Variants in FGD5 observed in about 807,000 individuals in gnomAD.
FGD5 encodes the protein FYVE, RhoGEF and PH domain containing 5.
In FGD5, 28 loss-of-function variants were observed where a neutral mutation model predicts 133.4. The observed-to-expected ratio is 0.21, with a 90% CI of 0.16 to 0.29. FGD5 has a LOEUF of 0.29. FGD5 is among the 10% of genes least tolerant of loss of function. FGD5 has a pLI of 1.00. For synonymous variants in FGD5, 810 were observed against 776.5 expected (o/e 1.04, Z -0.72); for missense variants, 1,858 against 1,895.2 (o/e 0.98, Z 0.36).
chr3:14,811,640 C>T (rs1382199445), intron 1 of FGD5, among the ~76,000 whole-genome samples: 5 of 152,068 alleles, frequency 3.3e-5, no homozygotes, highest in African/African-American at 1.2e-4. Flanking sequence ...TTCAGAGATT[C>T]CGTGAAATCA....
upstream of FGD5, among the ~76,000 whole-genome samples, chr3:14,818,714 G>A (rs1320783469): frequency 1.3e-5 from 2 of 152,194 alleles, no homozygotes; most frequent in Admixed American, 6.5e-5. Flanking sequence ...ATTTTCGTTA[G>A]TTGGGCTGCG....
chr3:14,900,324 G>A lies in FGD5; in HGVS notation c.3155-79G>A. The A allele has an allele frequency of 2.1e-6, 3 of 1,424,310 alleles. No homozygotes were observed. In the South Asian group the frequency reaches 3.6e-5, roughly 17 times the overall value. The allele number at this position is 1,424,310 out of a possible 1,614,324, so 88.2% of individuals were successfully genotyped here. On this transcript the variant is annotated intron_variant, in intron 7 of 19. Coordinates refer to ENST00000285046, the MANE Select transcript of FGD5 (RefSeq NM_152536.4). ...TGCTTCATTCTTCCAACTCTGGCAA[G>A]AGAGGGGGTGGCCACAGTTGTGGGC...
intron 2 of FGD5, among the ~76,000 whole-genome samples, chr3:14,868,954 A>G (rs1299153763): frequency 6.6e-6 from 1 of 152,164 alleles, no homozygotes. Flanking sequence ...TGGAAGGTAA[A>G]CCAGAAAACT....
intron 1 of FGD5, among the ~76,000 whole-genome samples, chr3:14,852,913 T>C (rs1024412422): frequency 6.6e-6 from 1 of 152,138 alleles, no homozygotes; most frequent in Non-Finnish European, 1.5e-5. Flanking sequence ...GGGATGTGTG[T>C]GTCTGGTCTC....
At chr3:14,881,868 G>C (rs1357214272) in intron 4 of FGD5, among the ~76,000 whole-genome samples, 1 of 152,174 alleles carries the variant, frequency 6.6e-6, no homozygotes, top group Non-Finnish European at 1.5e-5. Context: ...GCTGCCTTGG[G>C]AGCTCCATGG....
intron 9 of FGD5, among the ~76,000 whole-genome samples, chr3:14,906,602 G>C (rs2038346364): frequency 6.6e-6 from 1 of 152,264 alleles, no homozygotes; most frequent in South Asian, 2.1e-4. Flanking sequence ...TCGTGGATGA[G>C]AGCTTGCAAG....
upstream of FGD5, among the ~76,000 whole-genome samples, chr3:14,816,381 AG>A (rs1484086302): frequency 6.6e-6 from 1 of 152,176 alleles, no homozygotes; most frequent in Non-Finnish European, 1.5e-5. Context: ...ACTTCAACCA[AG>A]GGAAGATCTG....
At chr3:14,812,187 C>T (rs544333088) in intron 1 of FGD5, among the ~76,000 whole-genome samples, 1 of 152,252 alleles carries the variant, frequency 6.6e-6, no homozygotes, top group Non-Finnish European at 1.5e-5. Context: ...GCTGGGCATA[C>T]AGGCCCCTGG....
rs567824156 is a variant in FGD5 at position 14,912,139 on chromosome 3, C to T, written c.3405+1210C>T. On this transcript the variant is annotated intron_variant, in intron 11 of 19. Transcript: ENST00000285046. The stretch of plus-strand genomic sequence containing the variant: ...TCCCCATGCCCCAAATAGGCCCTAC[C>T]CGTAGAGGGGCCACTTGAGGACTGA... Among the ~76,000 whole-genome samples, 14 of 152,218 alleles carry T rather than the reference C, an allele frequency of 9.2e-5. No individual in the cohort carries two copies. In the East Asian group the frequency reaches 2.7e-3, roughly 29 times the overall value.
At chr3:14,891,472 C>G (rs1457670733) in intron 4 of FGD5, among the ~76,000 whole-genome samples, 1 of 152,234 alleles carries the variant, frequency 6.6e-6, no homozygotes. Context: ...ATACCTTCAT[C>G]CCAGAGAGTC....
chr3:14,891,487 C>T (rs1559495451), intron 4 of FGD5, among the ~76,000 whole-genome samples: 1 of 152,234 alleles, frequency 6.6e-6, no homozygotes, highest in African/African-American at 2.4e-5. Flanking sequence ...AGAGTCCATT[C>T]GTTAGTTCAA....
chr3:14,854,742 AAAT>A lies in FGD5; in HGVS notation c.2526-9379_2526-9377del, dbSNP rs1276202386. ...GCCCTCTTTTATTTTTTAAATTGAC[AAAT>A]AATAATTGTACATATTCATTAGGTC... On this transcript the variant is annotated intron_variant, in intron 1 of 19. Transcript: ENST00000285046. Among the ~76,000 whole-genome samples the A allele has an allele frequency of 2.6e-5, 4 of 152,146 alleles. No homozygotes were observed. In the East Asian group the frequency reaches 7.7e-4, roughly 29 times the overall value.
Position 14,926,279 on chromosome 3 carries a change from C to A in FGD5, c.4197+81C>A, listed in dbSNP as rs540801873. 6 of 1,564,880 alleles carry A rather than the reference C, an allele frequency of 3.8e-6. No homozygotes were observed. The East Asian group carries it at 1.1e-4, about 30-fold the overall frequency. On this transcript the variant is annotated intron_variant, in intron 18 of 19. Coordinates refer to ENST00000285046, the MANE Select transcript of FGD5 (RefSeq NM_152536.4). ...GGGCCTGCACACATCCTGTCACTTGCAAAGCTGTGTGAGTCCTGGCTGCTG... is the reference window on the plus strand; with the variant it reads ...GGGCCTGCACACATCCTGTCACTTGAAAAGCTGTGTGAGTCCTGGCTGCTG...
At chr3:14,877,730 C>G (rs2037747621) in intron 2 of FGD5, among the ~76,000 whole-genome samples, 1 of 152,194 alleles carries the variant, frequency 6.6e-6, no homozygotes, top group Non-Finnish European at 1.5e-5. Flanking sequence ...TGATGTGTGT[C>G]TGCTCTGATG....
chr3:14,860,455 G>A (rs928135701), intron 1 of FGD5, among the ~76,000 whole-genome samples: 2 of 152,118 alleles, frequency 1.3e-5, no homozygotes, highest in African/African-American at 4.8e-5. Flanking sequence ...CTGAACCTTT[G>A]CCCCTAACAT....
Position 14,933,096 on chromosome 3 carries a change from G to A in FGD5, c.4353-35G>A, listed in dbSNP as rs781556788. The stretch of plus-strand genomic sequence containing the variant: ...TGTGACCAGAGTCATAGGCAGAGCC[G>A]CAAAACCAAATGTCCTCCCTGTTTT... On this transcript the variant is annotated intron_variant, in intron 19 of 19. Transcript: ENST00000285046. The A allele has an allele frequency of 4.5e-5, 72 of 1,608,046 alleles. 1 individual carries two copies. Among genetic ancestry groups the A allele is most frequent in the South Asian group, 3.7e-4 (33 of 89,710 alleles).
intron 10 of FGD5, among the ~76,000 whole-genome samples, chr3:14,909,172 T>A (rs1312395620): frequency 6.6e-6 from 1 of 152,066 alleles, no homozygotes; most frequent in East Asian, 1.9e-4. Context: ...TTCTCCATGT[T>A]GGTCAGGCTG....
chr3:14,820,375 G>A lies in FGD5; in HGVS notation c.1304G>A (p.Gly435Asp), dbSNP rs553970485. 3.7e-6 allele frequency: 6 copies of A among 1,613,732 alleles called. No individual in the cohort carries two copies. The East Asian group carries it at 1.3e-4, about 36-fold the overall frequency. The change falls in exon 1 of 20, where the codon GGC becomes GAC. Residue 435 changes from glycine (G) to aspartate (D), a missense_variant. Physicochemically the swap from Gly to Asp is moderately conservative, Grantham distance 94. Coordinates refer to ENST00000285046, the MANE Select transcript of FGD5 (RefSeq NM_152536.4). ...ALANPYVMGVGLPGQAAPGEG... is the reference protein window; with the variant it reads ...ALANPYVMGVDLPGQAAPGEG... ...GCCAACCCCTATGTGATGGGAGTGGGCCTGCCCGGTCAGGCGGCCCCTGGA... is the reference window on the plus strand; with the variant it reads ...GCCAACCCCTATGTGATGGGAGTGGACCTGCCCGGTCAGGCGGCCCCTGGA...
rs74513087 is a variant in FGD5, at chr3:14,881,025, T to G, written c.2748+253T>G. On this transcript the variant is annotated intron_variant, in intron 4 of 19. Transcript: ENST00000285046. ...GGTCTGAGGTTTTGTGCAGGTTGTT[T>G]GAGGTTTCCTTAGCCCTCTTGCTGA... is the stretch of plus-strand genomic sequence containing the variant. Among the ~76,000 whole-genome samples the G allele has an allele frequency of 3.8e-4, 58 of 152,262 alleles. 1 individual carries two copies. The East Asian group carries it at 0.011, about 28-fold the overall frequency.
Sources: allele counts gnomAD v4.1 joint callset (sites outside exome capture counted in the v4.1 genomes callset), GRCh38; gene constraint gnomAD v4.1.1; transcripts MANE v1.5; gene names NCBI Gene and HGNC (gene_info 2026-07-23, HGNC 2026-07-21).